The following C4orf50 variants were observed in gnomAD, a reference collection of about 807,000 sequenced individuals.
The protein encoded by C4orf50 is chromosome 4 open reading frame 50, also known as uncharacterized protein C4orf50.
A neutral mutation model predicts 77.2 loss-of-function variants in C4orf50; 80 were observed. The observed-to-expected ratio is 1.04, with a 90% CI of 0.87 to 1.25. The LOEUF (loss-of-function observed/expected upper bound fraction) is 1.25. C4orf50 is among the 50% of genes most tolerant of loss of function. C4orf50 has a pLI of 0.00. For missense variants in C4orf50, 1,257 were observed against 1,152.9 expected (o/e 1.09, Z -1.31); for synonymous variants, 532 against 465.3 (o/e 1.14, Z -1.84).
chr4:6,004,632 C>G (rs1722160623), intron 25 of C4orf50, among the ~76,000 whole-genome samples: 1 of 79,992 alleles, frequency 1.3e-5, no homozygotes, highest in African/African-American at 4.8e-5. Flanking sequence ...GTGATGGTGA[C>G]TGTGATGGTG....
chr4:5,950,476 C>G (rs1037955905), intron 7 of C4orf50, among the ~76,000 whole-genome samples: 1 of 151,840 alleles, frequency 6.6e-6, no homozygotes, highest in African/African-American at 2.4e-5. Context: ...TTTTATTATT[C>G]TCTGTACTTT....
chr4:5,972,749 C>G (rs1473190571), intron 31 of C4orf50, among the ~76,000 whole-genome samples: 1 of 152,224 alleles, frequency 6.6e-6, no homozygotes, highest in African/African-American at 2.4e-5. Context: ...CTGTGTTTAC[C>G]GTGGGAGCTG....
chr4:5,961,820 C>CTT (rs76425818), intron 33 of C4orf50, among the ~76,000 whole-genome samples: 14 of 151,486 alleles, frequency 9.2e-5, no homozygotes, highest in African/African-American at 2.2e-4. Flanking sequence ...CTCTCTTCTC[C>CTT]TTTTTTTTTG....
Position 5,989,010 on chromosome 4 carries a change from G to T in C4orf50, c.3036C>A (p.Cys1012Ter). 1 of 1,535,998 alleles carries T rather than the reference G, an allele frequency of 6.5e-7. No individual in the cohort carries two copies. Among genetic ancestry groups the T allele is most frequent in the Non-Finnish European group, 8.7e-7 (1 of 1,146,906 alleles). The change falls in exon 28 of 34, where the codon TGC becomes TGA. Residue 1012 changes from cysteine (C) to a stop codon, truncating the protein, a stop_gained. Coordinates refer to ENST00000531445, the Ensembl canonical transcript of C4orf50. LOFTEE classifies it high-confidence loss of function. ...TTTCCTCTTCAAGCTCCAAAATTTTGCAGTAACTCTTCCCATTGCAGTCTT... is the reference window on the plus strand; with the variant it reads ...TTTCCTCTTCAAGCTCCAAAATTTTTCAGTAACTCTTCCCATTGCAGTCTT...
chr4:5,935,010 C>T (rs968557451), intron 7 of C4orf50, among the ~76,000 whole-genome samples: 6 of 152,168 alleles, frequency 3.9e-5, no homozygotes, highest in African/African-American at 9.7e-5. Flanking sequence ...GTTAATAGTG[C>T]GCAGATACAG....
intron 30 of C4orf50, among the ~76,000 whole-genome samples, chr4:5,975,181 A>G (rs899908260): frequency 7.3e-6 from 1 of 136,266 alleles, no homozygotes; most frequent in Non-Finnish European, 1.6e-5. Flanking sequence ...AAAAAAAACT[A>G]CATCACAGTG....
Position 5,980,213 on chromosome 4 carries a change from CAG to C in C4orf50, c.3823_3824del (p.Leu1275GlyfsTer15). On this transcript the variant is annotated frameshift_variant, in exon 29 of 34. Coordinates refer to ENST00000531445, the Ensembl canonical transcript of C4orf50. LOFTEE classifies it high-confidence loss of function. The stretch of plus-strand genomic sequence containing the variant: ...CCTCCTGGAGGCGGGTGGCCTCGTC[CAG>C]AGACGCCTGGTGGGCAGCGCCCTGG... The C allele has an allele frequency of 6.2e-7, 1 of 1,608,618 alleles. No individual in the cohort carries two copies. Among genetic ancestry groups the C allele is most frequent in the Non-Finnish European group, 8.5e-7 (1 of 1,177,192 alleles).
rs1178563068 is a variant in C4orf50 at position 5,958,826 on chromosome 4, C to CG, written c.*548dup. 6.6e-6 allele frequency: 1 copy of CG among 152,348 alleles called. No individual in the cohort carries two copies. Among genetic ancestry groups the CG allele is most frequent in the Non-Finnish European group, 1.5e-5 (1 of 68,208 alleles). The allele number at this position is 152,348 out of a possible 1,614,324, so 9.4% of individuals were successfully genotyped here. A position where few individuals can be genotyped will look rare whatever the true frequency, so the allele number is the denominator to read the frequency against. On this transcript the variant is annotated 3_prime_UTR_variant, in exon 34 of 34. Transcript: ENST00000531445. This position sits in a 1 kb window ranked among gnomAD's most constrained non-coding sequence, Gnocchi z 5.4. ...ATCTTTTAAAACATGGGAAGGACCC[C>CG]GGGGGCAGAGAAAAAACAAAACAAA...
Position 6,011,029 on chromosome 4 carries a change from G to C in C4orf50, c.426+801C>G, listed in dbSNP as rs556809046. On this transcript the variant is annotated intron_variant, in intron 24 of 33. Coordinates refer to ENST00000531445, the Ensembl canonical transcript of C4orf50. The surrounding 1 kb of genome is among the most constrained non-coding windows in gnomAD (Gnocchi z 4.2). ...CACAGCTATCGAGTGGCAGAGCCAG[G>C]GTTTGGCTCCAGGCCTCTGCCTCCA... Among the ~76,000 whole-genome samples, 10 of 152,274 alleles carry C rather than the reference G, an allele frequency of 6.6e-5. No homozygotes were observed. The highest frequency in any genetic ancestry group is 2.4e-4 in the African/African-American group (10 of 41,560).
chr4:5,934,059 T>A (rs1366495454), intron 7 of C4orf50, among the ~76,000 whole-genome samples: 1 of 151,594 alleles, frequency 6.6e-6, no homozygotes, highest in African/African-American at 2.4e-5. Flanking sequence ...TGGTGTAGGG[T>A]TAAGGACACA....
At chr4:5,935,210 C>T (rs756871273) in intron 7 of C4orf50, among the ~76,000 whole-genome samples, 2 of 152,220 alleles carry the variant, frequency 1.3e-5, no homozygotes, top group Non-Finnish European at 2.9e-5. Context: ...TCCTGGAAGG[C>T]TGCCCTGGCC....
intron 28 of C4orf50, among the ~76,000 whole-genome samples, chr4:5,981,527 C>T (rs1222295499): frequency 6.6e-6 from 1 of 151,786 alleles, no homozygotes; most frequent in Non-Finnish European, 1.5e-5. Flanking sequence ...GCCTCAGCCT[C>T]CCGAGTAGCT....
intron 31 of C4orf50, among the ~76,000 whole-genome samples, chr4:5,968,003 G>A (rs1577944165): frequency 6.6e-6 from 1 of 152,196 alleles, no homozygotes; most frequent in African/African-American, 2.4e-5. Flanking sequence ...CTGGATCTTC[G>A]AGGCAGGTTA....
At chr4:5,966,435 T>A (rs6446419) in intron 32 of C4orf50, among the ~76,000 whole-genome samples, 102,243 of 151,190 alleles carry the variant, frequency 0.68, 35,389 homozygotes, top group African/African-American at 0.75. Flanking sequence ...AGATCACACC[T>A]TTGCACTCCA....
intron 7 of C4orf50, among the ~76,000 whole-genome samples, chr4:5,917,256 C>A (rs1198846587): frequency 6.6e-6 from 1 of 152,098 alleles, no homozygotes; most frequent in Non-Finnish European, 1.5e-5. Context: ...GCTGCAAAAG[C>A]TAGACATTTT....
rs567116338 is a variant in C4orf50, at chr4:6,005,865, G to T, written c.963+2131C>A. ...CAGCCTTGAAAGCCAAGCCCCATGA[G>T]AGGTGCAGTTCCCCGGGGCCACTGG... On this transcript the variant is annotated intron_variant, in intron 25 of 33. Coordinates refer to ENST00000531445, the Ensembl canonical transcript of C4orf50. 2.6e-3 allele frequency among the ~76,000 whole-genome samples: 394 copies of T among 152,248 alleles called. 3 individuals carry two copies. Among genetic ancestry groups the T allele is most frequent in the African/African-American group, 8.5e-3 (355 of 41,548 alleles).
At chr4:6,003,294 T>C (rs1046717630) in intron 25 of C4orf50, among the ~76,000 whole-genome samples, 1 of 152,124 alleles carries the variant, frequency 6.6e-6, no homozygotes, top group African/African-American at 2.4e-5. Flanking sequence ...ACTGTTCCAG[T>C]CCAGGATAAG....
intron 25 of C4orf50, among the ~76,000 whole-genome samples, chr4:5,995,910 G>A (rs1156839965): frequency 3.3e-5 from 5 of 152,100 alleles, no homozygotes; most frequent in African/African-American, 9.7e-5. Flanking sequence ...TGCTCCCCAG[G>A]TCCTCACCTT....
At position 6,017,750 on chromosome 4, in the gene C4orf50, A is replaced by C. The variant is rs756119405; in HGVS notation, c.287+395T>G. 6.6e-6 allele frequency among the ~76,000 whole-genome samples: 1 copy of C among 151,878 alleles called. No homozygotes were observed. The highest frequency in any genetic ancestry group is 1.5e-5 in the Non-Finnish European group (1 of 67,950). ...TAAAAAAATCACCCCAAACCGACCAACTGGATTTGTCTGCCTCTGTCCTTG... is the reference window on the plus strand; with the variant it reads ...TAAAAAAATCACCCCAAACCGACCACCTGGATTTGTCTGCCTCTGTCCTTG... On this transcript the variant is annotated intron_variant, in intron 23 of 33. Coordinates refer to ENST00000531445, the Ensembl canonical transcript of C4orf50. This position sits in a 1 kb window ranked among gnomAD's most constrained non-coding sequence, Gnocchi z 4.7.
Sources: gnomAD v4.1 joint callset for allele counts (sites outside exome capture counted in the v4.1 genomes callset) on GRCh38, gnomAD v4.1.1 for gene constraint, Gnocchi (gnomAD v3.1) non-coding constraint, MANE v1.5 for transcripts, NCBI Gene and HGNC (gene_info 2026-07-23, HGNC 2026-07-21) for gene names.